NSL1: variants seen among roughly 807,000 people sequenced by gnomAD.
NSL1 encodes the protein NSL1 component of MIS12 kinetochore complex.
Under a neutral mutation model 25.4 loss-of-function variants are expected in NSL1, and 11 were observed. The ratio of observed to expected loss-of-function variants is 0.43; its 90% CI spans 0.27 to 0.72. The LOEUF (loss-of-function observed/expected upper bound fraction) is 0.72. Ranked by LOEUF, NSL1 falls within the 30% of genes least tolerant of loss-of-function variation. The pLI, the probability that NSL1 is intolerant of heterozygous loss-of-function variation, is 0.19. For synonymous variants in NSL1, 118 were observed against 120.6 expected (o/e 0.98, Z 0.14); for missense variants, 330 against 342.7 (o/e 0.96, Z 0.29).
intron 4 of NSL1, among the ~76,000 whole-genome samples, chr1:212,778,534 G>T (rs1055105886): frequency 1.3e-5 from 2 of 152,112 alleles, no homozygotes; most frequent in Admixed American, 6.5e-5. Flanking sequence ...GAGTGCCTGC[G>T]ATTGCAGGCG....
Position 212,784,471 on chromosome 1 carries a change from T to C in NSL1, c.336A>G (p.Glu112=). 1 of 1,563,122 alleles carries C rather than the reference T, an allele frequency of 6.4e-7. No individual in the cohort carries two copies. The highest frequency in any genetic ancestry group is 1.4e-5 in the African/African-American group (1 of 74,040). ...CFMDSDIKVL[E]DQFDEIIVDI... The stretch of plus-strand genomic sequence containing the variant: ...CTACTATGATTTCATCAAACTGATC[T>C]TCAAGTACTTTGATGTCAGAATCTA... The change falls in exon 3 of 6, where the codon GAA becomes GAG. Residue 112 remains glutamate, a synonymous_variant. Transcript: ENST00000366977.
In NSL1 at chr1:212,731,392, A is replaced by C. The variant is rs1388760098; in HGVS notation, c.*7016T>G. On this transcript the variant is annotated 3_prime_UTR_variant, in exon 6 of 6. Coordinates refer to ENST00000366977, the MANE Select transcript of NSL1 (RefSeq NM_015471.4). ...GCAATATGGCGAGACCCCATCTCTAAAACAAATAAACTAGCCGGGCATGGT... is the reference window on the plus strand; with the variant it reads ...GCAATATGGCGAGACCCCATCTCTACAACAAATAAACTAGCCGGGCATGGT... 1.0e-6 allele frequency: 1 copy of C among 984,346 alleles called. No homozygotes were observed. The highest frequency in any genetic ancestry group is 1.1e-4 in the East Asian group (1 of 8,822). The allele number at this position is 984,346 out of a possible 1,614,324, so 61.0% of individuals were successfully genotyped here.
rs191052593 is a variant in NSL1, at chr1:212,727,909, G to A, written c.*10499C>T. On this transcript the variant is annotated 3_prime_UTR_variant, in exon 6 of 6. Transcript: ENST00000366977. ...GCTATGTGTCATTGAAAAAAAATGA[G>A]AAGAACCAACGAGGTCGCTGTGGTG... The A allele has an allele frequency of 7.9e-4, 779 of 985,422 alleles. 10 individuals are homozygous for A. The African/African-American group carries it at 0.013, about 16-fold the overall frequency. 61.0% of individuals were successfully genotyped at this position (985,422 alleles called of 1,614,324 possible). A position where few individuals can be genotyped will look rare whatever the true frequency, so the allele number is the denominator to read the frequency against.
At chr1:212,746,801 T>C (rs575068576) in intron 4 of NSL1, among the ~76,000 whole-genome samples, 3 of 152,238 alleles carry the variant, frequency 2.0e-5, no homozygotes, top group Admixed American at 6.5e-5. Flanking sequence ...TATGTGTACT[T>C]TGCCACTGCC....
At chr1:212,739,770 T>C (rs1658418376) in intron 4 of NSL1, among the ~76,000 whole-genome samples, 169 bp from the exon 5 acceptor site, 1 of 152,162 alleles carries the variant, frequency 6.6e-6, no homozygotes. Context: ...AATAATAGAG[T>C]AAAACTAAAA....
At chr1:212,775,333 T>C (rs1348269786) in intron 4 of NSL1, among the ~76,000 whole-genome samples, 5 of 152,168 alleles carry the variant, frequency 3.3e-5, no homozygotes, top group Non-Finnish European at 7.3e-5. Flanking sequence ...ATCATGATGT[T>C]GCATAACTCT....
At position 212,767,320 on chromosome 1, in the gene NSL1, A is replaced by C. The variant is rs367565757; in HGVS notation, c.499+15052T>G. On this transcript the variant is annotated intron_variant, in intron 4 of 5. Coordinates refer to ENST00000366977, the MANE Select transcript of NSL1 (RefSeq NM_015471.4). ...ACAGTCAACTGATCTTTGACAAAACAAACAAAAACATAAAGTGGGGAAAGG... is the reference window on the plus strand; with the variant it reads ...ACAGTCAACTGATCTTTGACAAAACCAACAAAAACATAAAGTGGGGAAAGG... Among the ~76,000 whole-genome samples, 71 of 152,326 alleles carry C rather than the reference A, an allele frequency of 4.7e-4. No homozygotes were observed. In the East Asian group the frequency reaches 0.013, roughly 29 times the overall value.
chr1:212,778,740 G>T (rs1258692434), intron 4 of NSL1, among the ~76,000 whole-genome samples: 3 of 148,726 alleles, frequency 2.0e-5, no homozygotes, highest in Admixed American at 6.7e-5. Context: ...GCGTGATCTC[G>T]GCTCGCTACA....
chr1:212,776,720 AAACAAC>A lies in NSL1; in HGVS notation c.499+5646_499+5651del, dbSNP rs563943797. Reference sequence around the variant, plus strand: ...GAAAACGGTAAAACAAAACAAAACAAAACAACAACAACAACAACAAAAAAAACCAAC... The same window carrying A: ...GAAAACGGTAAAACAAAACAAAACAAAACAACAACAACAAAAAAAACCAAC... On this transcript the variant is annotated intron_variant, in intron 4 of 5. Coordinates refer to ENST00000366977, the MANE Select transcript of NSL1 (RefSeq NM_015471.4). 4.1e-5 allele frequency among the ~76,000 whole-genome samples: 5 copies of A among 122,682 alleles called. No individual in the cohort carries two copies. In the South Asian group the frequency reaches 9.3e-4, roughly 23 times the overall value. 80.5% of individuals were successfully genotyped at this position (122,682 alleles called of 152,430 possible).
rs1558037290 is a variant in NSL1, at chr1:212,737,432, G to A, written c.*976C>T. ...ATCAGAGTCATCAAAAGGGGAAACAGTTGGTAAGTTTGATGGCCCTGCCTA... is the reference window on the plus strand; with the variant it reads ...ATCAGAGTCATCAAAAGGGGAAACAATTGGTAAGTTTGATGGCCCTGCCTA... On this transcript the variant is annotated 3_prime_UTR_variant, in exon 6 of 6. Coordinates refer to ENST00000366977, the MANE Select transcript of NSL1 (RefSeq NM_015471.4). The A allele has an allele frequency of 1.8e-5, 18 of 985,230 alleles. No individual in the cohort carries two copies. Among genetic ancestry groups the A allele is most frequent in the Non-Finnish European group, 2.0e-5 (17 of 829,750 alleles). The allele number at this position is 985,230 out of a possible 1,614,324, so 61.0% of individuals were successfully genotyped here. A position where few individuals can be genotyped will look rare whatever the true frequency, so the allele number is the denominator to read the frequency against.
At position 212,730,461 on chromosome 1, in the gene NSL1, G is replaced by C. The variant is rs567209396; in HGVS notation, c.*7947C>G. ...ATCTGCAACTAGGTATGAGCCCAAA[G>C]GCACTGGAGCCATTCTCTGAGTAAG... On this transcript the variant is annotated 3_prime_UTR_variant, in exon 6 of 6. Transcript: ENST00000366977. 2.0e-6 allele frequency: 2 copies of C among 985,292 alleles called. No homozygotes were observed. The highest frequency in any genetic ancestry group is 2.4e-6 in the Non-Finnish European group (2 of 829,934). The allele number at this position is 985,292 out of a possible 1,614,324, so 61.0% of individuals were successfully genotyped here. A position where few individuals can be genotyped will look rare whatever the true frequency, so the allele number is the denominator to read the frequency against.
chr1:212,730,022 G>A lies in NSL1; in HGVS notation c.*8386C>T, dbSNP rs1225005913. The A allele has an allele frequency of 7.2e-6, 7 of 966,880 alleles. No individual in the cohort carries two copies. The highest frequency in any genetic ancestry group is 5.3e-5 in the African/African-American group (3 of 56,698). The allele number at this position is 966,880 out of a possible 1,614,324, so 59.9% of individuals were successfully genotyped here. Reference sequence around the variant, plus strand: ...TCACAGCACTTTGGGAGGCCAGGGCGAGTGGATCACCTGAGGTCAGGAGTT... The same window carrying A: ...TCACAGCACTTTGGGAGGCCAGGGCAAGTGGATCACCTGAGGTCAGGAGTT... On this transcript the variant is annotated 3_prime_UTR_variant, in exon 6 of 6. Coordinates refer to ENST00000366977, the MANE Select transcript of NSL1 (RefSeq NM_015471.4).
In NSL1 at chr1:212,787,547, A is replaced by C; in HGVS notation, c.313+12T>G. ...ACCCAGAAATTAATAATGGAAGGAA[A>C]AAGTCACATACCCATAAAACAATTA... On this transcript the variant is annotated intron_variant, in intron 2 of 5. Coordinates refer to ENST00000366977, the MANE Select transcript of NSL1 (RefSeq NM_015471.4). 6.4e-7 allele frequency: 1 copy of C among 1,573,182 alleles called. No homozygotes were observed. The highest frequency in any genetic ancestry group is 8.6e-7 in the Non-Finnish European group (1 of 1,162,416).
At chr1:212,788,751 A>T (rs571863132) in intron 1 of NSL1, among the ~76,000 whole-genome samples, 2 of 152,352 alleles carry the variant, frequency 1.3e-5, no homozygotes, top group South Asian at 4.1e-4. Context: ...GAAAAAACCT[A>T]AAGTCAAAAT....
chr1:212,743,163 G>A (rs964585721), intron 4 of NSL1, among the ~76,000 whole-genome samples: 2 of 151,990 alleles, frequency 1.3e-5, no homozygotes. Context: ...TGTTTACTTT[G>A]GTTTTTTTTT....
chr1:212,738,113 TGA>T lies in NSL1; in HGVS notation c.*293_*294del, dbSNP rs1658312882. The T allele has an allele frequency of 9.5e-7, 1 of 1,055,436 alleles. No homozygotes were observed. Among genetic ancestry groups the T allele is most frequent in the African/African-American group, 1.7e-5 (1 of 59,596 alleles). The allele number at this position is 1,055,436 out of a possible 1,614,324, so 65.4% of individuals were successfully genotyped here. On this transcript the variant is annotated 3_prime_UTR_variant, in exon 6 of 6. Transcript: ENST00000366977. ...AATCCCACAAAAGCTACAAGGGAGC[TGA>T]GAGTTGATGGCACTTAAGGACAGTA...
At position 212,734,999 on chromosome 1, in the gene NSL1, G is replaced by T. The variant is rs1658177045; in HGVS notation, c.*3409C>A. 6.6e-6 allele frequency among the ~76,000 whole-genome samples: 1 copy of T among 152,148 alleles called. No individual in the cohort carries two copies. Among genetic ancestry groups the T allele is most frequent in the African/African-American group, 2.4e-5 (1 of 41,436 alleles). On this transcript the variant is annotated 3_prime_UTR_variant, in exon 6 of 6. Coordinates refer to ENST00000366977, the MANE Select transcript of NSL1 (RefSeq NM_015471.4). The stretch of plus-strand genomic sequence containing the variant: ...TATTAGTCTAAGGCCTTCACATTAT[G>T]AACTCATTTACTTCTCAGAATAACG...
intron 4 of NSL1, chr1:212,764,022 G>C (rs111688193): frequency 7.1e-4 from 312 of 441,172 alleles, no homozygotes; most frequent in African/African-American, 5.6e-3. Flanking sequence ...TAGGTGATAT[G>C]ATGGGCCACA....
rs937239344 is a variant in NSL1, at chr1:212,735,548, C to A, written c.*2860G>T. The A allele has an allele frequency of 3.0e-6, 3 of 985,180 alleles. No individual in the cohort carries two copies. Among genetic ancestry groups the A allele is most frequent in the African/African-American group, 1.7e-5 (1 of 57,208 alleles). The allele number at this position is 985,180 out of a possible 1,614,324, so 61.0% of individuals were successfully genotyped here. On this transcript the variant is annotated 3_prime_UTR_variant, in exon 6 of 6. Coordinates refer to ENST00000366977, the MANE Select transcript of NSL1 (RefSeq NM_015471.4). ...GGTCTAGGATAAGATTTTCTGTGGG[C>A]TTGTGTTATGGACTCAATGTTTGTG...
Sources: allele counts gnomAD v4.1 joint callset (sites outside exome capture counted in the v4.1 genomes callset), GRCh38; gene constraint gnomAD v4.1.1; transcripts MANE v1.5; gene names NCBI Gene and HGNC (gene_info 2026-07-23, HGNC 2026-07-21).